The following OGG1 variants were observed in gnomAD, a reference collection of about 807,000 sequenced individuals.
OGG1 encodes the protein 8-oxoguanine DNA glycosylase.
In OGG1, 35 loss-of-function variants were observed where a neutral mutation model predicts 42.3. That is an observed-to-expected ratio of 0.83 (90% CI 0.63 to 1.10). The LOEUF is 1.10. OGG1 is among the 50% of genes least tolerant of loss of function. The pLI is 0.00. For synonymous variants in OGG1, 189 were observed against 179.0 expected, an observed-to-expected ratio of 1.06 and a Z score of -0.44; for missense variants, 484 against 446.7, an observed-to-expected ratio of 1.08 and a Z score of -0.75.
downstream of OGG1, among the ~76,000 whole-genome samples, chr3:9,770,871 A>AC (rs1310537737): frequency 6.6e-6 from 1 of 150,594 alleles, no homozygotes; most frequent in African/African-American, 2.4e-5. Context: ...GTTGCTTGGG[A>AC]CCCCACTCCA....
intron 2 of OGG1, among the ~76,000 whole-genome samples, chr3:9,777,848 T>C (rs2078384455): frequency 6.6e-6 from 1 of 152,030 alleles, no homozygotes; most frequent in African/African-American, 2.4e-5. Context: ...AACATGGAAG[T>C]GAGTGGTTAA....
chr3:9,784,234 G>A (rs373491526), intron 3 of OGG1: 72 of 1,591,452 alleles, frequency 4.5e-5, no homozygotes, highest in Admixed American at 6.8e-5. Flanking sequence ...AGGCAGGCCC[G>A]TCAGACTCAA....
chr3:9,780,099 G>A (rs750170010), intron 2 of OGG1: 32 of 385,092 alleles, frequency 8.3e-5, no homozygotes, highest in Non-Finnish European at 1.3e-4. Context: ...GGAAGAGGAA[G>A]ACCCAGAAAC....
chr3:9,752,817 G>C (rs2471896), intron 3 of OGG1, among the ~76,000 whole-genome samples: 1 of 152,128 alleles, frequency 6.6e-6, no homozygotes, highest in Non-Finnish European at 1.5e-5. Flanking sequence ...TTGGGAGGTC[G>C]AGGCAGGCAG....
intron 3 of OGG1, chr3:9,785,325 T>G: frequency 6.2e-7 from 1 of 1,613,864 alleles, no homozygotes; most frequent in Non-Finnish European, 8.5e-7. Context: ...CCTGAAGGGC[T>G]TGTTCTGATT....
At chr3:9,759,851 C>CA (rs752016705), downstream of OGG1, 1 of 1,600,948 alleles carries the variant, frequency 6.2e-7, no homozygotes. Context: ...GGCATCAAGA[C>CA]AAAGAGGCCA....
At chr3:9,789,889 A>T, downstream of OGG1, 1 of 1,613,356 alleles carries the variant, frequency 6.2e-7, no homozygotes, top group Non-Finnish European at 8.5e-7. Flanking sequence ...GTTTGGGGGG[A>T]GCTCCAAGTT....
chr3:9,761,057 C>A, downstream of OGG1: 2 of 411,062 alleles, frequency 4.9e-6, no homozygotes, highest in Non-Finnish European at 8.9e-6. Flanking sequence ...TCGGTCATCA[C>A]CTCCACAGCG....
chr3:9,767,846 G>T (rs964296883), downstream of OGG1: 79 of 1,540,912 alleles, frequency 5.1e-5, no homozygotes, highest in Middle Eastern at 1.8e-4. Flanking sequence ...ATTTACTGCA[G>T]GCCCCATTCA....
At chr3:9,760,549 G>A, downstream of OGG1, 1 of 1,126,502 alleles carries the variant, frequency 8.9e-7, no homozygotes, top group East Asian at 2.4e-5. Flanking sequence ...TCTTTGTGTG[G>A]TGCTGGAAAA....
chr3:9,790,043 T>A, downstream of OGG1: 1 of 1,474,208 alleles, frequency 6.8e-7, no homozygotes, highest in South Asian at 1.4e-5. Flanking sequence ...TAAATTAGGA[T>A]CTAGAATCTA....
downstream of OGG1, among the ~76,000 whole-genome samples, chr3:9,788,403 G>A (rs1384528302): frequency 6.6e-6 from 1 of 151,704 alleles, no homozygotes; most frequent in Non-Finnish European, 1.5e-5. Context: ...CCGCCACCAC[G>A]CCCGGCTAAT....
downstream of OGG1, among the ~76,000 whole-genome samples, chr3:9,769,309 C>G (rs184514718): frequency 2.6e-4 from 40 of 152,138 alleles, no homozygotes; most frequent in Admixed American, 9.8e-4. Flanking sequence ...CTACCCCATC[C>G]CCTGGAAGCT....
At chr3:9,753,250 G>A (rs897403355) in intron 3 of OGG1, among the ~76,000 whole-genome samples, 7 of 151,454 alleles carry the variant, frequency 4.6e-5, no homozygotes, top group East Asian at 1.9e-4. Context: ...AGGCTGAGGC[G>A]GGAGAATCAT....
downstream of OGG1, chr3:9,769,864 G>C (rs1244291765): frequency 1.3e-5 from 2 of 152,258 alleles, no homozygotes; most frequent in African/African-American, 2.4e-5. Flanking sequence ...CTGGCTGGGA[G>C]GCCCGCGGTG....
chr3:9,767,434 A>G (rs2078184606), downstream of OGG1, among the ~76,000 whole-genome samples: 1 of 152,186 alleles, frequency 6.6e-6, no homozygotes, highest in South Asian at 2.1e-4. Flanking sequence ...ACTGACTGGC[A>G]CCTTCATTCT....
intron 3 of OGG1, among the ~76,000 whole-genome samples, chr3:9,753,894 T>C (rs1462592285): frequency 1.3e-5 from 2 of 152,094 alleles, no homozygotes; most frequent in East Asian, 3.9e-4. Context: ...TTCAGCACTT[T>C]TGGGAGCCCA....
downstream of OGG1, chr3:9,758,690 C>T (rs1325070167): frequency 5.9e-6 from 1 of 170,086 alleles, no homozygotes; most frequent in South Asian, 1.4e-4. Context: ...AGTGCAGTGG[C>T]GCGATCTCAG....
chr3:9,767,314 G>GACC (rs1357209191), downstream of OGG1, among the ~76,000 whole-genome samples: 6 of 152,162 alleles, frequency 3.9e-5, no homozygotes, highest in African/African-American at 1.4e-4. Flanking sequence ...GAAGGGCAGA[G>GACC]ACCAGGTTTG....
Sources: gnomAD v4.1 joint callset for allele counts (sites outside exome capture counted in the v4.1 genomes callset) on GRCh38, gnomAD v4.1.1 for gene constraint, MANE v1.5 for transcripts, NCBI Gene and HGNC (gene_info 2026-07-23, HGNC 2026-07-21) for gene names.